The following HYDIN variants were observed in gnomAD, a reference collection of about 807,000 sequenced individuals.
HYDIN encodes the protein HYDIN axonemal central pair apparatus protein.
HYDIN carries 132 observed loss-of-function variants against 403.9 expected under a neutral mutation model. That is an observed-to-expected ratio of 0.33 (90% CI 0.28 to 0.38). HYDIN has a LOEUF of 0.38. Among genes scored for constraint, HYDIN ranks in the 10% least tolerant of loss-of-function variants. The probability of loss-of-function intolerance (pLI) is 1.00; values close to 1 mark genes in which losing one functional copy is unlikely to be tolerated. For synonymous variants in HYDIN, 1,202 were observed against 1,891.7 expected, an observed-to-expected ratio of 0.64 and a Z score of 9.46; for missense variants, 2,827 against 5,009.5, an observed-to-expected ratio of 0.56 and a Z score of 13.15.
chr16:70,948,407 C>T (rs1246161309), intron 41 of HYDIN, among the ~76,000 whole-genome samples: 2 of 151,978 alleles, frequency 1.3e-5, no homozygotes, highest in Non-Finnish European at 2.9e-5. Flanking sequence ...GCAAGGACTT[C>T]ATATCTAAAA....
rs1458096877 is a variant in HYDIN, at chr16:70,863,456, C to T, written c.11472-274G>A. 2.0e-5 allele frequency among the ~76,000 whole-genome samples: 3 copies of T among 152,204 alleles called. No homozygotes were observed. The East Asian group carries it at 5.8e-4, about 29-fold the overall frequency. On this transcript the variant is annotated intron_variant, in intron 67 of 85. Transcript: ENST00000393567. ...TCCAACACCCTGTGCAGCGAGCTCT[C>T]AGCATGCATGGCAGTAATCCTAAAC...
At chr16:71,048,287 G>C (rs1249336609) in intron 18 of HYDIN, among the ~76,000 whole-genome samples, 1 of 145,266 alleles carries the variant, frequency 6.9e-6, no homozygotes, top group Non-Finnish European at 1.5e-5. Flanking sequence ...TTTGTGAGTA[G>C]TGCTGCAGTA....
chr16:70,989,953 T>A (rs1402860353), intron 25 of HYDIN, among the ~76,000 whole-genome samples: 5 of 152,194 alleles, frequency 3.3e-5, no homozygotes, highest in Admixed American at 3.3e-4. Context: ...ATGTAACTGT[T>A]TGAGAGATAA....
chr16:70,868,757 T>C lies in HYDIN; in HGVS notation c.11123A>G (p.Asp3708Gly), dbSNP rs759745291. The C allele has an allele frequency of 1.9e-5, 30 of 1,613,898 alleles. No individual in the cohort carries two copies. The Admixed American group carries it at 4.8e-4, about 26-fold the overall frequency. ...MGHLHPGCAK[D>G]IVVTMKSDVP... ...ATCTGACTTCATGGTCACCACTATG[T>C]CCTTGGCACACCCAGGGTGGAGGTG... Residue 3708 changes from aspartate to glycine, a missense_variant, in exon 66 of 86, where the codon GAC becomes GGC. Physicochemically the swap from Asp to Gly is moderately conservative, Grantham distance 94. Coordinates refer to ENST00000393567, the MANE Select transcript of HYDIN (RefSeq NM_001270974.2).
In HYDIN at chr16:71,130,497, T is replaced by C. The variant is rs1252920440; in HGVS notation, c.1044-674A>G. Among the ~76,000 whole-genome samples, 5 of 145,786 alleles carry C rather than the reference T, an allele frequency of 3.4e-5. No homozygotes were observed. In the South Asian group the frequency reaches 1.2e-3, roughly 34 times the overall value. On this transcript the variant is annotated intron_variant, in intron 8 of 85. Transcript: ENST00000393567. ...TTTTTTTTTTTTTTTTTTTTTTTTT[T>C]TGAGACGGAGTCTCGCTCTGTCGCC...
In HYDIN at chr16:71,027,628, G is replaced by T. The variant is rs779626931; in HGVS notation, c.3016C>A (p.Leu1006Ile). ...LYPGQAIDVI[L>I]EGYSATPRIV... ...CTGGGAGTAGCAGAATAGCCTTCGAGTATCACATCAATTGCCTGGCCTGGG... is the reference window on the plus strand; with the variant it reads ...CTGGGAGTAGCAGAATAGCCTTCGATTATCACATCAATTGCCTGGCCTGGG... Residue 1006 changes from leucine (L) to isoleucine (I), a missense_variant, in exon 20 of 86, where the codon CTC becomes ATC. Physicochemically the swap from Leu to Ile is conservative, Grantham distance 5 (BLOSUM62 2). Coordinates refer to ENST00000393567, the MANE Select transcript of HYDIN (RefSeq NM_001270974.2). The T allele has an allele frequency of 6.2e-7, 1 of 1,613,684 alleles. No individual in the cohort carries two copies. Among genetic ancestry groups the T allele is most frequent in the Non-Finnish European group, 8.5e-7 (1 of 1,179,970 alleles).
intron 1 of HYDIN, among the ~76,000 whole-genome samples, chr16:71,228,401 C>CA (rs760045166): frequency 6.6e-6 from 1 of 152,136 alleles, no homozygotes; most frequent in Non-Finnish European, 1.5e-5. Flanking sequence ...AAAATTTTTG[C>CA]AATCTACTCA....
At chr16:70,980,397 C>T (rs1433456115) in intron 29 of HYDIN, among the ~76,000 whole-genome samples, 1 of 151,758 alleles carries the variant, frequency 6.6e-6, no homozygotes, top group South Asian at 2.1e-4. Context: ...GTCCCAGCTC[C>T]TCAAGAAGCT....
intron 23 of HYDIN, among the ~76,000 whole-genome samples, chr16:71,008,452 T>C (rs1443725263): frequency 2.6e-5 from 4 of 152,190 alleles, no homozygotes; most frequent in Non-Finnish European, 5.9e-5. Flanking sequence ...TACTCAATCA[T>C]AGTTACTGCT....
chr16:70,869,954 T>C (rs2039997592), intron 65 of HYDIN, among the ~76,000 whole-genome samples: 2 of 149,076 alleles, frequency 1.3e-5, no homozygotes, highest in African/African-American at 4.9e-5. Context: ...ATATGGACAA[T>C]GAAATCCAGG....
intron 18 of HYDIN, among the ~76,000 whole-genome samples, chr16:71,037,143 G>A (rs2081116276): frequency 1.3e-5 from 2 of 151,162 alleles, no homozygotes; most frequent in African/African-American, 2.4e-5. Flanking sequence ...TTTCTCATCC[G>A]TAGCTCAGGA....
Position 70,960,881 on chromosome 16 carries a change from C to T in HYDIN, c.5969-1061G>A, listed in dbSNP as rs142882621. On this transcript the variant is annotated intron_variant, in intron 38 of 85. Transcript: ENST00000393567. ...TAATTTTTTGTATTTTTAGTACAGA[C>T]AGGGTTTCATCGTGTCAGCCAGGAT... is the stretch of plus-strand genomic sequence containing the variant. 6.1e-3 allele frequency among the ~76,000 whole-genome samples: 924 copies of T among 152,264 alleles called. 33 individuals are homozygous for T. The highest frequency in any genetic ancestry group is 0.056 in the Admixed American group (859 of 15,290).
At chr16:70,976,408 A>G (rs2078889198) in intron 30 of HYDIN, among the ~76,000 whole-genome samples, 1 of 151,342 alleles carries the variant, frequency 6.6e-6, no homozygotes, top group Non-Finnish European at 1.5e-5. Context: ...TTTTAATTTT[A>G]TTTCCTCAAG....
intron 1 of HYDIN, among the ~76,000 whole-genome samples, chr16:71,202,157 C>T (rs891315079): frequency 2.0e-5 from 3 of 152,222 alleles, no homozygotes; most frequent in Non-Finnish European, 4.4e-5. Context: ...TTTGTTACTA[C>T]AGCCATCACA....
chr16:71,168,170 T>C (rs1244499622), intron 5 of HYDIN, among the ~76,000 whole-genome samples: 1 of 148,622 alleles, frequency 6.7e-6, no homozygotes, highest in African/African-American at 2.5e-5. Flanking sequence ...ATACAAAAAA[T>C]TAGTTGGGCG....
chr16:71,212,536 A>G (rs1477711300), intron 1 of HYDIN, among the ~76,000 whole-genome samples: 2 of 152,208 alleles, frequency 1.3e-5, no homozygotes, highest in African/African-American at 4.8e-5. Flanking sequence ...AACATCCAGC[A>G]ATAAAAGATA....
In HYDIN at chr16:71,067,342, C is replaced by T. The variant is rs755294769; in HGVS notation, c.2023G>A (p.Val675Met). Reference protein sequence around the residue: ...TVQKYELALVVDVEGIGEEVL... With the variant: ...TVQKYELALVMDVEGIGEEVL... ...TCTTCTCCGATGCCCTCCACGTCCA[C>T]CACGAGTGCCAGCTCGTATTTCTGC... is the stretch of plus-strand genomic sequence containing the variant. The change falls in exon 15 of 86, where the codon GTG (valine) becomes ATG (methionine). Residue 675 changes from valine to methionine, a missense_variant. By Grantham distance (21) the Val-to-Met change is conservative. Transcript: ENST00000393567. The T allele has an allele frequency of 5.6e-6, 9 of 1,613,446 alleles. No homozygotes were observed. The highest frequency in any genetic ancestry group is 1.1e-5 in the South Asian group (1 of 91,018).
intron 7 of HYDIN, among the ~76,000 whole-genome samples, chr16:71,151,939 T>C (rs1415501319): frequency 6.6e-6 from 1 of 152,242 alleles, no homozygotes; most frequent in Admixed American, 6.5e-5. Context: ...GATATTTGCA[T>C]GTTCTAAGGA....
chr16:70,862,367 T>C (rs1263942840), intron 68 of HYDIN, 112 bp from the exon 69 acceptor site: 2 of 593,164 alleles, frequency 3.4e-6, no homozygotes, highest in Non-Finnish European at 5.9e-6. Context: ...GGATATGGAC[T>C]CACCTTTTGT....
Sources: allele counts gnomAD v4.1 joint callset (sites outside exome capture counted in the v4.1 genomes callset), GRCh38; gene constraint gnomAD v4.1.1; transcripts MANE v1.5; gene names NCBI Gene and HGNC (gene_info 2026-07-23, HGNC 2026-07-21).